RGS10: variants seen among roughly 807,000 people sequenced by gnomAD.
RGS10 encodes regulator of G protein signaling 10.
RGS10 carries 11 observed loss-of-function variants against 23.5 expected under a neutral mutation model. That is an observed-to-expected ratio of 0.47 (90% CI 0.29 to 0.77). The LOEUF (loss-of-function observed/expected upper bound fraction) is 0.77, where lower values mean the gene tolerates loss of function less well. RGS10 is among the 30% of genes least tolerant of loss of function. The pLI is 0.08. For synonymous variants in RGS10, 77 were observed against 83.2 expected, an observed-to-expected ratio of 0.92 and a Z score of 0.41; for missense variants, 180 against 226.3, an observed-to-expected ratio of 0.80 and a Z score of 1.31.
chr10:119,500,251 A>G lies in RGS10; in HGVS notation c.408T>C (p.Asn136=). 1 of 1,609,810 alleles carries G rather than the reference A, an allele frequency of 6.2e-7. No individual in the cohort carries two copies. The highest frequency in any genetic ancestry group is 8.5e-7 in the Non-Finnish European group (1 of 1,179,030). ...GGCTGTAGCTGTCGTACTTCATGAG[A>G]TTAAAGATCTAAGGAGGAAAAGAAA... The part of the protein sequence containing the change: ...MFQKLQDQIF[N]LMKYDSYSRF... Residue 136 remains asparagine, a synonymous_variant, in exon 5 of 5, where the codon AAT becomes AAC. Transcript: ENST00000369103.
intron 1 of RGS10, among the ~76,000 whole-genome samples, chr10:119,541,798 G>T (rs2133963670): frequency 6.6e-6 from 1 of 152,334 alleles, no homozygotes; most frequent in Admixed American, 6.5e-5. Context: ...CACTCACCGG[G>T]TTGTCCTAGG....
At chr10:119,515,769 C>G (rs1039267317) in intron 3 of RGS10, 117 bp from the exon 4 acceptor site, 1 of 1,279,768 alleles carries the variant, frequency 7.8e-7, no homozygotes, top group Admixed American at 2.4e-5. Context: ...AAGGCACCCC[C>G]CACAGCCCAG....
chr10:119,500,017 A>G lies in RGS10; in HGVS notation c.*96T>C. 2.3e-6 allele frequency: 3 copies of G among 1,322,170 alleles called. No individual in the cohort carries two copies. Among genetic ancestry groups the G allele is most frequent in the Non-Finnish European group, 3.1e-6 (3 of 959,564 alleles). The allele number at this position is 1,322,170 out of a possible 1,614,324, so 81.9% of individuals were successfully genotyped here. ...CCCATTGAAGGGTTTTGTACATTTCAGTCCTTACAAATAACAAAGCAATGA... is the reference window on the plus strand; with the variant it reads ...CCCATTGAAGGGTTTTGTACATTTCGGTCCTTACAAATAACAAAGCAATGA... On this transcript the variant is annotated 3_prime_UTR_variant, in exon 5 of 5. Coordinates refer to ENST00000369103, the MANE Select transcript of RGS10 (RefSeq NM_001005339.2).
rs967623643 is a variant in RGS10, at chr10:119,524,336, C to T, written c.255+1696G>A. 6.6e-6 allele frequency among the ~76,000 whole-genome samples: 1 copy of T among 152,198 alleles called. No homozygotes were observed. The highest frequency in any genetic ancestry group is 1.5e-5 in the Non-Finnish European group (1 of 68,040). On this transcript the variant is annotated intron_variant, in intron 3 of 4. Transcript: ENST00000369103. This position sits in a 1 kb window ranked among gnomAD's most constrained non-coding sequence, Gnocchi z 5.2. ...GACAACAACGGGTGACTTCAGGGAG[C>T]TAGTTCAAGTCCTAGCTCTGCCACG...
intron 2 of RGS10, 60 bp from the exon 3 acceptor site, chr10:119,526,178 A>C: frequency 7.7e-6 from 7 of 911,872 alleles, no homozygotes; most frequent in Non-Finnish European, 1.1e-5. Flanking sequence ...AATAAAACAA[A>C]TGGCATTTCC....
Position 119,542,607 on chromosome 10 carries a change from C to T in RGS10, c.32G>A (p.Arg11Lys). Residue 11 changes from arginine to lysine, a missense_variant, in exon 1 of 5, where the codon AGG (arginine) becomes AAG (lysine). Physicochemically the swap from Arg to Lys is conservative, Grantham distance 26. Transcript: ENST00000369103. ...CCGCTTACCTGACGGCGGCCGCTTC[C>T]TGCTCAGCCGGCTCACGGCGCGGTT... MFNRAVSRLS[R>K]KRPPSDIHDS... 1.4e-6 allele frequency: 2 copies of T among 1,427,432 alleles called. No individual in the cohort carries two copies. The highest frequency in any genetic ancestry group is 1.8e-6 in the Non-Finnish European group (2 of 1,088,144). 88.4% of individuals were successfully genotyped at this position (1,427,432 alleles called of 1,614,324 possible).
At chr10:119,500,880 G>T (rs1009909227) in intron 4 of RGS10, among the ~76,000 whole-genome samples, 5 of 152,100 alleles carry the variant, frequency 3.3e-5, no homozygotes, top group East Asian at 3.9e-4. Context: ...CATCAGACAG[G>T]CTGGGGAGCA....
chr10:119,521,148 A>G (rs1188504679), intron 3 of RGS10, among the ~76,000 whole-genome samples: 2 of 152,082 alleles, frequency 1.3e-5, no homozygotes, highest in Admixed American at 1.3e-4. Context: ...AGGCGAGAGG[A>G]TTTCTTTTGG....
intron 1 of RGS10, chr10:119,536,445 G>C (rs1347417159): frequency 1.2e-6 from 2 of 1,612,042 alleles, no homozygotes; most frequent in Non-Finnish European, 1.7e-6. Flanking sequence ...CATGGAAAGG[G>C]GTGGGGGCGA....
rs756632488 is a variant in RGS10, at chr10:119,515,570, C to T, written c.338G>A (p.Arg113Gln). The T allele has an allele frequency of 1.3e-5, 21 of 1,614,024 alleles. No individual in the cohort carries two copies. Among genetic ancestry groups the T allele is most frequent in the African/African-American group, 1.2e-4 (9 of 74,916 alleles). Residue 113 changes from arginine (R) to glutamine (Q), a missense_variant, in exon 4 of 5, where the codon CGG becomes CAG. Transcript: ENST00000369103. ...SSQVNVEGQS[R>Q]LNEKILEEPH... Reference sequence around the variant, plus strand: ...TTCTTCCAGGATCTTCTCGTTGAGCCGAGACTGCCCCTCCACGTTGACCTG... The same window carrying T: ...TTCTTCCAGGATCTTCTCGTTGAGCTGAGACTGCCCCTCCACGTTGACCTG...
chr10:119,520,316 G>T (rs1223432527), intron 3 of RGS10, among the ~76,000 whole-genome samples: 1 of 152,184 alleles, frequency 6.6e-6, no homozygotes, highest in Non-Finnish European at 1.5e-5. Flanking sequence ...GAAGAATGAA[G>T]CCAAGCCCCT....
In RGS10 at chr10:119,527,436, A is replaced by T; in HGVS notation, c.50-12T>A. ...GCTGTCGTGGATGTCTGCAAAGCAA[A>T]GTTCAGACTGCATATGTGGCCAACA... On this transcript the variant is annotated splice_polypyrimidine_tract_variant and intron_variant, in intron 1 of 4. Coordinates refer to ENST00000369103, the MANE Select transcript of RGS10 (RefSeq NM_001005339.2). This position sits in a 1 kb window ranked among gnomAD's most constrained non-coding sequence, Gnocchi z 4.2. 1.9e-6 allele frequency: 3 copies of T among 1,602,184 alleles called. No homozygotes were observed. The highest frequency in any genetic ancestry group is 2.6e-6 in the Non-Finnish European group (3 of 1,169,128).
chr10:119,534,925 A>T (rs953946111), intron 1 of RGS10, among the ~76,000 whole-genome samples: 1 of 152,082 alleles, frequency 6.6e-6, no homozygotes, highest in African/African-American at 2.4e-5. Context: ...CTTGCAAATG[A>T]TTTACAGTGT....
chr10:119,515,764 A>C (rs1589836220), intron 3 of RGS10, 112 bp from the exon 4 acceptor site: 1 of 1,316,396 alleles, frequency 7.6e-7, no homozygotes, highest in South Asian at 1.4e-5. Context: ...AGAGAAAGGC[A>C]CCCCCCACAG....
In RGS10 at chr10:119,506,179, G is replaced by A. The variant is rs1006397927; in HGVS notation, c.400-5920C>T. ...GGCATTGACGAGGCTGTCGGGGCAA[G>A]GCGCAAACAGGGATGTGCCTACCCC... On this transcript the variant is annotated intron_variant, in intron 4 of 4. Coordinates refer to ENST00000369103, the MANE Select transcript of RGS10 (RefSeq NM_001005339.2). Among the ~76,000 whole-genome samples, 48 of 152,216 alleles carry A rather than the reference G, an allele frequency of 3.2e-4. 1 individual carries two copies. The highest frequency in any genetic ancestry group is 1.0e-4 in the Non-Finnish European group (7 of 68,046).
intron 4 of RGS10, among the ~76,000 whole-genome samples, chr10:119,511,589 A>C (rs1337416671): frequency 6.6e-6 from 1 of 152,200 alleles, no homozygotes; most frequent in Non-Finnish European, 1.5e-5. Context: ...ATTGTACTCC[A>C]GCCTGGGTGA....
intron 3 of RGS10, among the ~76,000 whole-genome samples, chr10:119,519,420 C>T (rs1272522208): frequency 1.4e-5 from 2 of 143,118 alleles, no homozygotes; most frequent in Admixed American, 1.4e-4. Context: ...TGTCTGTCTC[C>T]CAGCTTCTGT....
chr10:119,521,721 GAAA>G (rs34525549), intron 3 of RGS10, among the ~76,000 whole-genome samples: 18,765 of 136,508 alleles, frequency 0.14, 1,356 homozygotes, highest in East Asian at 0.24. Flanking sequence ...GGGAAAAAAA[GAAA>G]AAAAAAAAAA....
At chr10:119,510,843 C>A (rs191167760) in intron 4 of RGS10, among the ~76,000 whole-genome samples, 2 of 152,064 alleles carry the variant, frequency 1.3e-5, no homozygotes, top group African/African-American at 2.4e-5. Context: ...CTCAGCCTCC[C>A]GAGTAGCTGG....
Sources: gnomAD v4.1 joint callset for allele counts (sites outside exome capture counted in the v4.1 genomes callset) on GRCh38, gnomAD v4.1.1 for gene constraint, Gnocchi (gnomAD v3.1) non-coding constraint, MANE v1.5 for transcripts, NCBI Gene and HGNC (gene_info 2026-07-23, HGNC 2026-07-21) for gene names.